CRB1: variants seen among roughly 807,000 people sequenced by gnomAD.
CRB1 encodes the protein protein crumbs homolog 1.
A neutral mutation model predicts 120.0 loss-of-function variants in CRB1; 83 were observed. That is an observed-to-expected ratio of 0.69 (90% confidence interval 0.58 to 0.83). The LOEUF is 0.83. Among genes scored for constraint, CRB1 ranks in the 40% least tolerant of loss-of-function variants. The probability of loss-of-function intolerance (pLI) is 0.00; values close to 1 mark genes in which losing one functional copy is unlikely to be tolerated. For synonymous variants in CRB1, 625 were observed against 612.5 expected, an observed-to-expected ratio of 1.02 and a Z score of -0.30; for missense variants, 1,699 against 1,687.6, an observed-to-expected ratio of 1.01 and a Z score of -0.12.
At chr1:197,355,311 C>G (rs1258746901) in intron 4 of CRB1, among the ~76,000 whole-genome samples, 1 of 152,236 alleles carries the variant, frequency 6.6e-6, no homozygotes, top group African/African-American at 2.4e-5. Flanking sequence ...CCGTACTAGA[C>G]TCAGGAGCCC....
chr1:197,415,612 CTTTT>C (rs149474385), intron 5 of CRB1, among the ~76,000 whole-genome samples: 1 of 129,284 alleles, frequency 7.7e-6, no homozygotes, highest in African/African-American at 2.8e-5. Context: ...TTTCTTTTTT[CTTTT>C]TTTTTTCTTT....
chr1:197,225,913 T>C, the CRB1 span, among the ~76,000 whole-genome samples: 5 of 152,156 alleles, frequency 3.3e-5, no homozygotes, highest in Non-Finnish European at 5.9e-5. Flanking sequence ...TTTTTTTTCT[T>C]TTTTTCAGAC....
chr1:197,406,823 A>G (rs913199920), intron 5 of CRB1, among the ~76,000 whole-genome samples: 11 of 152,186 alleles, frequency 7.2e-5, no homozygotes, highest in African/African-American at 2.2e-4. Context: ...CGAATAGAGC[A>G]CTTTATATTT....
chr1:197,353,736 G>A (rs1660242413), intron 4 of CRB1, among the ~76,000 whole-genome samples: 1 of 150,646 alleles, frequency 6.6e-6, no homozygotes, highest in South Asian at 2.1e-4. Flanking sequence ...AGCAGATGGA[G>A]GCTGCAGTCA....
At chr1:197,227,806 A>G in the CRB1 span, among the ~76,000 whole-genome samples, 4 of 152,234 alleles carry the variant, frequency 2.6e-5, no homozygotes, top group South Asian at 8.3e-4. Flanking sequence ...AGAGGTTTCC[A>G]TGAGGGCCCC....
intron 5 of CRB1, among the ~76,000 whole-genome samples, chr1:197,370,266 T>G (rs1304075198): frequency 6.6e-6 from 1 of 152,034 alleles, no homozygotes; most frequent in African/African-American, 2.4e-5. Context: ...GTATTTATAC[T>G]TTTGTTGACA....
rs1250767401 is a variant in CRB1 at position 197,435,526 on chromosome 1, C to T, written c.3663C>T (p.His1221=). Residue 1221 remains histidine (H), a synonymous_variant, in exon 9 of 12, where the codon CAC becomes CAT. Coordinates refer to ENST00000367400, the MANE Select transcript of CRB1 (RefSeq NM_201253.3). ...CEVDIDNCQS[H]QCANGATCIS... Reference sequence around the variant, plus strand: ...TGGATATAGACAACTGCCAGAGTCACCAGTGTGCAAATGGAGCCACCTGCA... The same window carrying T: ...TGGATATAGACAACTGCCAGAGTCATCAGTGTGCAAATGGAGCCACCTGCA... The T allele has an allele frequency of 6.2e-7, 1 of 1,612,804 alleles. No homozygotes were observed. The highest frequency in any genetic ancestry group is 2.2e-5 in the East Asian group (1 of 44,890).
In CRB1 at chr1:197,421,274, C is replaced by G. The variant is rs150894028; in HGVS notation, c.1446C>G (p.Ile482Met). ...GCTACACCGGGTCCCTGTGTGAAATCGCAACCACACTTTCATTTGAGGGCG... is the reference window on the plus strand; with the variant it reads ...GCTACACCGGGTCCCTGTGTGAAATGGCAACCACACTTTCATTTGAGGGCG... ...PSGYTGSLCE[I>M]ATTLSFEGDG... is the part of the protein sequence containing the mutation. Residue 482 changes from isoleucine (I) to methionine (M), a missense_variant, in exon 6 of 12, where the codon ATC (isoleucine) becomes ATG (methionine). Transcript: ENST00000367400. 1.2e-6 allele frequency: 2 copies of G among 1,614,168 alleles called. No individual in the cohort carries two copies. The highest frequency in any genetic ancestry group is 1.3e-5 in the African/African-American group (1 of 75,056).
chr1:197,424,131 T>C (rs932439200), intron 6 of CRB1, among the ~76,000 whole-genome samples: 1 of 152,172 alleles, frequency 6.6e-6, no homozygotes, highest in African/African-American at 2.4e-5. Context: ...TTCCTAGATA[T>C]AGAAAAAGAT....
At chr1:197,251,864 G>T in the CRB1 span, among the ~76,000 whole-genome samples, 3 of 152,046 alleles carry the variant, frequency 2.0e-5, no homozygotes, top group East Asian at 5.8e-4. Context: ...GAGATTATCT[G>T]CTTATTGTCA....
At chr1:197,406,317 AGGGTTAAAT>A (rs1558113876) in intron 5 of CRB1, among the ~76,000 whole-genome samples, 5 of 152,242 alleles carry the variant, frequency 3.3e-5, no homozygotes, top group Admixed American at 3.3e-4. Flanking sequence ...GTGTCCACTC[AGGGTTAAAT>A]GGATTAAGGG....
chr1:197,360,331 C>G (rs1308918038), intron 5 of CRB1: 1 of 152,266 alleles, frequency 6.6e-6, no homozygotes. Context: ...TAACTTTCTT[C>G]TGCGGGGAGG....
intron 1 of CRB1, among the ~76,000 whole-genome samples, chr1:197,284,371 C>A (rs534640294): frequency 6.6e-6 from 1 of 151,860 alleles, no homozygotes; most frequent in Non-Finnish European, 1.5e-5. Flanking sequence ...AACTTCAGCT[C>A]GGGAAAATCA....
At chr1:197,223,337 A>G in the CRB1 span, 1 of 565,828 alleles carries the variant, frequency 1.8e-6, no homozygotes, top group South Asian at 2.0e-5. Context: ...GGTTTAAAGT[A>G]GATAGCATAC....
intron 7 of CRB1, 147 bp from the exon 8 acceptor site, chr1:197,429,302 A>G: frequency 1.6e-6 from 2 of 1,279,598 alleles, no homozygotes; most frequent in Non-Finnish European, 2.2e-6. Context: ...TTTTTATTCT[A>G]TTTAGTTAAC....
chr1:197,394,671 A>T (rs1159459482), intron 5 of CRB1, among the ~76,000 whole-genome samples: 1 of 151,956 alleles, frequency 6.6e-6, no homozygotes, highest in African/African-American at 2.4e-5. Context: ...TAGATTTATT[A>T]TGTTTTTTGC....
At chr1:197,339,377 G>A (rs17552989) in intron 2 of CRB1, among the ~76,000 whole-genome samples, 21,002 of 152,106 alleles carry the variant, frequency 0.14, 1,648 homozygotes, top group South Asian at 0.2. Flanking sequence ...TTGTGTCACC[G>A]ACTTGCACTG....
rs150464955 is a variant in CRB1, at chr1:197,427,962, C to G, written c.2637C>G (p.Val879=). Residue 879 remains valine (V), a synonymous_variant, in exon 7 of 12, where the codon GTC becomes GTG. Coordinates refer to ENST00000367400, the MANE Select transcript of CRB1 (RefSeq NM_201253.3). ...TNNASLNPVL[V]NVTQGCAGDN... is the part of the protein sequence containing the mutation. ...ATGCATCTCTCAATCCAGTTCTTGTCAATGTAACCCAAGGCTGTGCTGGAG... is the reference window on the plus strand; with the variant it reads ...ATGCATCTCTCAATCCAGTTCTTGTGAATGTAACCCAAGGCTGTGCTGGAG... 1.3e-5 allele frequency: 21 copies of G among 1,613,782 alleles called. No homozygotes were observed. Among genetic ancestry groups the G allele is most frequent in the Non-Finnish European group, 1.8e-5 (21 of 1,179,966 alleles).
chr1:197,249,154 T>C, the CRB1 span, among the ~76,000 whole-genome samples: 1 of 151,966 alleles, frequency 6.6e-6, no homozygotes, highest in Non-Finnish European at 1.5e-5. Context: ...ATTTTTCACA[T>C]TGCTTTTTTA....
Sources: allele counts gnomAD v4.1 joint callset (sites outside exome capture counted in the v4.1 genomes callset), GRCh38; gene constraint gnomAD v4.1.1; transcripts MANE v1.5; gene names NCBI Gene and HGNC (gene_info 2026-07-23, HGNC 2026-07-21).